TP73: variants seen among roughly 807,000 people sequenced by gnomAD.
TP73 encodes tumor protein p73, also known as p53-like transcription factor.
A neutral mutation model predicts 62.5 loss-of-function variants in TP73; 25 were observed. The observed-to-expected ratio is 0.40, with a 90% CI of 0.29 to 0.56. TP73 has a LOEUF of 0.56. Ranked by LOEUF, TP73 falls within the 20% of genes least tolerant of loss-of-function variation. The pLI is 0.46. For missense variants in TP73, 754 were observed against 913.3 expected, an observed-to-expected ratio of 0.83 and a Z score of 2.25; for synonymous variants, 423 against 377.5, an observed-to-expected ratio of 1.12 and a Z score of -1.40.
chr1:3,722,538 T>C (rs1641152892), intron 5 of TP73, among the ~76,000 whole-genome samples: 1 of 152,144 alleles, frequency 6.6e-6, no homozygotes, highest in Admixed American at 6.5e-5. Context: ...AGCAGGAGAA[T>C]CAGGGGGCAG....
At position 3,687,174 on chromosome 1, in the gene TP73, G is replaced by A. The variant is rs541598654; in HGVS notation, c.186+3994G>A. Among the ~76,000 whole-genome samples, 63 of 152,272 alleles carry A rather than the reference G, an allele frequency of 4.1e-4. 1 individual carries two copies. Among genetic ancestry groups the A allele is most frequent in the Admixed American group, 3.6e-3 (55 of 15,308 alleles). On this transcript the variant is annotated intron_variant, in intron 3 of 13. Transcript: ENST00000378295. ...GGACCTCACTCTAAAATAGGGCCCC[G>A]TTCTGCAAGAGGAGAGCAGGGGGAA...
intron 1 of TP73, among the ~76,000 whole-genome samples, chr1:3,668,327 G>C (rs1048298349): frequency 3.9e-5 from 6 of 152,162 alleles, no homozygotes; most frequent in Non-Finnish European, 8.8e-5. Flanking sequence ...GCAGCACCTA[G>C]ACACACATCC....
intron 1 of TP73, among the ~76,000 whole-genome samples, chr1:3,678,384 T>C (rs1358527046): frequency 6.6e-6 from 1 of 152,046 alleles, no homozygotes; most frequent in Non-Finnish European, 1.5e-5. Flanking sequence ...CAGAGCTTCC[T>C]GTTCCTCATG....
At chr1:3,695,648 A>G (rs1217516459) in intron 3 of TP73, among the ~76,000 whole-genome samples, 1 of 152,264 alleles carries the variant, frequency 6.6e-6, no homozygotes. Context: ...ATGGGCCTCC[A>G]GGACAGGGCC....
Position 3,689,028 on chromosome 1 carries a change from C to T in TP73, c.186+5848C>T, listed in dbSNP as rs536538979. ...GGCTGAGGATGTGCCCTGTGGGGGTCGGGAGCGGAACCCAGGCCCCGCCTC... is the reference window on the plus strand; with the variant it reads ...GGCTGAGGATGTGCCCTGTGGGGGTTGGGAGCGGAACCCAGGCCCCGCCTC... On this transcript the variant is annotated intron_variant, in intron 3 of 13. Coordinates refer to ENST00000378295, the MANE Select transcript of TP73 (RefSeq NM_005427.4). 1.4e-4 allele frequency among the ~76,000 whole-genome samples: 22 copies of T among 152,190 alleles called. 1 individual carries two copies. The South Asian group carries it at 3.9e-3, about 27-fold the overall frequency.
At chr1:3,659,255 T>C (rs1644937743) in intron 1 of TP73, 1 of 151,952 alleles carries the variant, frequency 6.6e-6, no homozygotes, top group Non-Finnish European at 1.5e-5. Context: ...GGCAGGTTTG[T>C]AGATGTTGGG....
chr1:3,730,779 C>G, intron 11 of TP73, 148 bp from the exon 12 acceptor site: 5 of 1,119,834 alleles, frequency 4.5e-6, no homozygotes, highest in Middle Eastern at 3.1e-4. Context: ...CTTGCTCAAG[C>G]CTCTAGCTGG....
At position 3,726,901 on chromosome 1, in the gene TP73, C is replaced by CGATG. The variant is rs57315521; in HGVS notation, c.733-199_733-196dup. On this transcript the variant is annotated intron_variant, in intron 6 of 13. Coordinates refer to ENST00000378295, the MANE Select transcript of TP73 (RefSeq NM_005427.4). ...GGATGGATGAATAGATAAATGGGTT[C>CGATG]GATGGATGGATGGATGGACGGATGG... Among the ~76,000 whole-genome samples the CGATG allele has an allele frequency of 8.8e-5, 13 of 147,578 alleles. No homozygotes were observed. In the East Asian group the frequency reaches 1.3e-3, roughly 15 times the overall value.
At chr1:3,687,950 C>T (rs1160989660) in intron 3 of TP73, among the ~76,000 whole-genome samples, 1 of 152,146 alleles carries the variant, frequency 6.6e-6, no homozygotes, top group Admixed American at 6.5e-5. Context: ...AGAGGTCACC[C>T]CAGATAGGCC....
At chr1:3,713,860 C>T (rs908563824) in intron 4 of TP73, among the ~76,000 whole-genome samples, 8 of 152,162 alleles carry the variant, frequency 5.3e-5, no homozygotes, top group Non-Finnish European at 8.8e-5. Context: ...CTGCAGAGGC[C>T]GTGAGCGGAA....
At chr1:3,728,310 AC>A in intron 9 of TP73, 93 bp downstream of exon 9, 1 of 1,351,944 alleles carries the variant, frequency 7.4e-7, no homozygotes, top group Non-Finnish European at 1.0e-6. Context: ...GACTCTGGAG[AC>A]CATGGTGGAG....
At chr1:3,684,781 T>C (rs1004629900) in intron 3 of TP73, among the ~76,000 whole-genome samples, 8 of 146,910 alleles carry the variant, frequency 5.4e-5, no homozygotes, top group African/African-American at 2.0e-4. Context: ...CAGGAGACCG[T>C]CCCAGTGGAA....
In TP73 at chr1:3,688,471, G is replaced by A. The variant is rs145223881; in HGVS notation, c.186+5291G>A. ...GTTCCTGAAGAGTGCCGTGGCCTGC[G>A]GCAGCGTCGTTCCCCCCTGTCCTGC... On this transcript the variant is annotated intron_variant, in intron 3 of 13. Coordinates refer to ENST00000378295, the MANE Select transcript of TP73 (RefSeq NM_005427.4). 1.3e-3 allele frequency among the ~76,000 whole-genome samples: 196 copies of A among 152,308 alleles called. 3 individuals are homozygous for A. The East Asian group carries it at 0.032, about 25-fold the overall frequency.
intron 4 of TP73, among the ~76,000 whole-genome samples, chr1:3,713,372 G>A (rs1318236918): frequency 5.3e-5 from 8 of 152,178 alleles, no homozygotes; most frequent in South Asian, 2.1e-4. Flanking sequence ...ACTAACTCCC[G>A]TTGACAGGGG....
intron 9 of TP73, among the ~76,000 whole-genome samples, chr1:3,728,600 C>T (rs2124526646): frequency 6.6e-6 from 1 of 152,264 alleles, no homozygotes; most frequent in South Asian, 2.1e-4. Context: ...TCACATGTGG[C>T]CTCCAACAGG....
At position 3,693,478 on chromosome 1, in the gene TP73, G is replaced by C. The variant is rs149962939; in HGVS notation, c.186+10298G>C. On this transcript the variant is annotated intron_variant, in intron 3 of 13. Coordinates refer to ENST00000378295, the MANE Select transcript of TP73 (RefSeq NM_005427.4). Reference sequence around the variant, plus strand: ...CCCCCAGCCTGGCACAGGGTTCCAGGTGTGGGCTTGGGGTCTGTCTCTCTG... The same window carrying C: ...CCCCCAGCCTGGCACAGGGTTCCAGCTGTGGGCTTGGGGTCTGTCTCTCTG... Among the ~76,000 whole-genome samples, 228 of 152,274 alleles carry C rather than the reference G, an allele frequency of 1.5e-3. 3 individuals carry two copies. The highest frequency in any genetic ancestry group is 4.5e-3 in the African/African-American group (188 of 41,536).
intron 1 of TP73, among the ~76,000 whole-genome samples, chr1:3,677,174 T>C (rs1446376862): frequency 6.6e-6 from 1 of 152,116 alleles, no homozygotes; most frequent in Non-Finnish European, 1.5e-5. Context: ...GGGGGCCTAA[T>C]TGCTGGTGTG....
chr1:3,653,232 C>T (rs1472278821), intron 1 of TP73, among the ~76,000 whole-genome samples: 3 of 152,238 alleles, frequency 2.0e-5, no homozygotes. Context: ...CCCTGTGGCT[C>T]TGAGTTTGTC....
intron 1 of TP73, among the ~76,000 whole-genome samples, chr1:3,667,505 C>T (rs985552663): frequency 1.2e-4 from 19 of 152,170 alleles, no homozygotes; most frequent in African/African-American, 4.6e-4. Flanking sequence ...AATCCCAGCA[C>T]TTTGGGAGGC....
Sources: allele counts gnomAD v4.1 joint callset (sites outside exome capture counted in the v4.1 genomes callset), GRCh38; gene constraint gnomAD v4.1.1; transcripts MANE v1.5; gene names NCBI Gene and HGNC (gene_info 2026-07-23, HGNC 2026-07-21).